CENPM: variants seen among roughly 807,000 people sequenced by gnomAD.
The protein encoded by CENPM is centromere protein M.
A neutral mutation model predicts 19.6 loss-of-function variants in CENPM; 14 were observed. The ratio of observed to expected loss-of-function variants is 0.71; its 90% CI spans 0.47 to 1.11. CENPM has a LOEUF of 1.11. Among genes scored for constraint, CENPM ranks in the 50% most tolerant of loss-of-function variants. CENPM has a pLI of 0.00. For synonymous variants in CENPM, 114 were observed against 101.5 expected, an observed-to-expected ratio of 1.12 and a Z score of -0.74; for missense variants, 239 against 228.4, an observed-to-expected ratio of 1.05 and a Z score of -0.30.
Position 41,938,927 on chromosome 22 carries a change from C to T in CENPM, c.*129G>A. On this transcript the variant is annotated 3_prime_UTR_variant, in exon 6 of 6. Transcript: ENST00000215980. ...TCTCCCTGCTGCAGCACTGGCACTGCAGGGAACCTTCCCAGCCACGGCGGG... is the reference window on the plus strand; with the variant it reads ...TCTCCCTGCTGCAGCACTGGCACTGTAGGGAACCTTCCCAGCCACGGCGGG... The T allele has an allele frequency of 3.1e-6, 4 of 1,275,330 alleles. No homozygotes were observed. Among genetic ancestry groups the T allele is most frequent in the Non-Finnish European group, 4.3e-6 (4 of 919,712 alleles). The allele number at this position is 1,275,330 out of a possible 1,614,324, so 79.0% of individuals were successfully genotyped here.
downstream of CENPM, among the ~76,000 whole-genome samples, chr22:41,938,512 C>A (rs1373600609): frequency 6.6e-6 from 1 of 151,862 alleles, no homozygotes; most frequent in Non-Finnish European, 1.5e-5. Context: ...ACTACAGGCG[C>A]CCACCACCAC....
chr22:41,946,939 C>G, intron 1 of CENPM, 81 bp downstream of exon 1: 2 of 1,443,240 alleles, frequency 1.4e-6, no homozygotes, highest in Non-Finnish European at 1.9e-6. Context: ...CTTGGCGCCT[C>G]AGAGAGCTCA....
chr22:41,932,604 A>C, the CENPM span, among the ~76,000 whole-genome samples: 9 of 152,230 alleles, frequency 5.9e-5, no homozygotes, highest in Non-Finnish European at 1.3e-4. This position sits in a 1 kb window ranked among gnomAD's most constrained non-coding sequence, Gnocchi z 4.3. Flanking sequence ...AGGGCACCCC[A>C]GCCACTCTCA....
chr22:41,943,326 G>A (rs1322642867), intron 5 of CENPM, among the ~76,000 whole-genome samples: 1 of 152,124 alleles, frequency 6.6e-6, no homozygotes, highest in Non-Finnish European at 1.5e-5. Flanking sequence ...AGCAAAAGCA[G>A]GGCAGCACGT....
downstream of CENPM, among the ~76,000 whole-genome samples, chr22:41,937,653 G>A (rs556791567): frequency 3.6e-4 from 55 of 152,292 alleles, no homozygotes; most frequent in African/African-American, 1.3e-3. Context: ...GCAGGCATGG[G>A]GGGTCACACA....
rs1291250404 is a variant in CENPM at position 41,946,412 on chromosome 22, C to T, written c.137+5G>A. 8.1e-6 allele frequency: 13 copies of T among 1,612,600 alleles called. No individual in the cohort carries two copies. Among genetic ancestry groups the T allele is most frequent in the South Asian group, 1.1e-5 (1 of 90,968 alleles). The stretch of plus-strand genomic sequence containing the variant: ...TGGGCCCAGGCCACAGCCGCGGCTA[C>T]TTACACCTTCAGCTCGGAGGCGCAG... On this transcript the variant is annotated splice_donor_5th_base_variant and intron_variant, in intron 2 of 5. Transcript: ENST00000215980.
downstream of CENPM, among the ~76,000 whole-genome samples, chr22:41,936,686 T>A (rs752159750): frequency 5.6e-4 from 86 of 152,308 alleles, no homozygotes; most frequent in Non-Finnish European, 1.5e-4. Flanking sequence ...CCCAGCACTT[T>A]GGGAGGCCAA....
chr22:41,928,568 G>A, the CENPM span, among the ~76,000 whole-genome samples: 1 of 152,182 alleles, frequency 6.6e-6, no homozygotes, highest in Non-Finnish European at 1.5e-5. The surrounding 1 kb of genome is among the most constrained non-coding windows in gnomAD (Gnocchi z 4.0). Flanking sequence ...GGGGGCAGAG[G>A]GAGACCCTGA....
the CENPM span, among the ~76,000 whole-genome samples, chr22:41,931,237 G>C: frequency 6.6e-6 from 1 of 151,726 alleles, no homozygotes; most frequent in Non-Finnish European, 1.5e-5. Flanking sequence ...GGGAGACCGA[G>C]GCGGGTGGAT....
At chr22:41,941,740 G>T (rs2077740558) in intron 5 of CENPM, among the ~76,000 whole-genome samples, 1 of 152,208 alleles carries the variant, frequency 6.6e-6, no homozygotes. Flanking sequence ...CAGGCCTCAG[G>T]GTCCCATCTG....
chr22:41,945,959 G>A lies in CENPM; in HGVS notation c.184C>T (p.Arg62Ter), dbSNP rs1003477237. Residue 62 changes from arginine (R) to a stop codon, truncating the protein, a stop_gained, in exon 3 of 6, where the codon CGA (arginine) becomes TGA (stop). Transcript: ENST00000215980. LOFTEE classifies it high-confidence loss of function. ...ACCACAAACACGATCAGGTCAATTC[G>A]GGGCCGATTCACACTGGAGGGCAAA... Reference protein sequence around the residue: ...LPLPSSVNRPRIDLIVFVVNL... With the variant: ...LPLPSSVNRP 11 of 1,613,798 alleles carry A rather than the reference G, an allele frequency of 6.8e-6. No homozygotes were observed. Among genetic ancestry groups the A allele is most frequent in the Non-Finnish European group, 9.3e-6 (11 of 1,179,958 alleles).
chr22:41,944,733 C>G (rs908280212), intron 4 of CENPM: 3 of 985,210 alleles, frequency 3.0e-6, no homozygotes, highest in African/African-American at 1.7e-5. Flanking sequence ...GGAGAGTCAC[C>G]GGAGATGAGA....
intron 2 of CENPM, 72 bp from the exon 3 acceptor site, chr22:41,946,077 T>C: frequency 7.4e-7 from 1 of 1,344,422 alleles, no homozygotes; most frequent in Non-Finnish European, 1.0e-6. Context: ...ATGCTGCCCT[T>C]CATGTGGAAA....
chr22:41,930,210 G>A, the CENPM span, among the ~76,000 whole-genome samples: 1 of 149,070 alleles, frequency 6.7e-6, no homozygotes, highest in South Asian at 2.1e-4. Flanking sequence ...CAAAGTGATG[G>A]GATTACAGAC....
At chr22:41,929,581 C>T in the CENPM span, among the ~76,000 whole-genome samples, 1 of 152,196 alleles carries the variant, frequency 6.6e-6, no homozygotes. Flanking sequence ...AGGGCTGGAG[C>T]CCACTGTCAG....
At position 41,945,016 on chromosome 22, in the gene CENPM, G is replaced by C. The variant is rs564212913; in HGVS notation, c.310+209C>G. On this transcript the variant is annotated intron_variant, in intron 4 of 5. Transcript: ENST00000215980. ...CTTGTGTCATGGGGTTTGTTGTACA[G>C]ATCATTGTCACCCAGGTATTAAGCC... 4.8e-5 allele frequency: 66 copies of C among 1,386,628 alleles called. No individual in the cohort carries two copies. In the African/African-American group the frequency reaches 8.1e-4, roughly 17 times the overall value. 85.9% of individuals were successfully genotyped at this position (1,386,628 alleles called of 1,614,324 possible).
At chr22:41,931,452 CCTGG>C in the CENPM span, among the ~76,000 whole-genome samples, 1 of 151,616 alleles carries the variant, frequency 6.6e-6, no homozygotes, top group Non-Finnish European at 1.5e-5. Context: ...TGCACTCCAG[CCTGG>C]CTGACAGAGC....
the CENPM span, among the ~76,000 whole-genome samples, chr22:41,930,968 C>G: frequency 6.6e-6 from 1 of 151,190 alleles, no homozygotes; most frequent in Admixed American, 6.6e-5. Flanking sequence ...ACCCCAGTAG[C>G]TCGGATAACA....
At chr22:41,943,879 T>A (rs1042528763) in intron 4 of CENPM, among the ~76,000 whole-genome samples, 178 bp from the exon 5 acceptor site, 1 of 152,118 alleles carries the variant, frequency 6.6e-6, no homozygotes, top group African/African-American at 2.4e-5. Flanking sequence ...AATTAGACAA[T>A]GAAGATAATA....
Sources: gnomAD v4.1 joint callset for allele counts (sites outside exome capture counted in the v4.1 genomes callset) on GRCh38, gnomAD v4.1.1 for gene constraint, Gnocchi (gnomAD v3.1) non-coding constraint, MANE v1.5 for transcripts, NCBI Gene and HGNC (gene_info 2026-07-23, HGNC 2026-07-21) for gene names.